PATJ: variants seen among roughly 807,000 people sequenced by gnomAD.
PATJ encodes inaD-like protein.
In PATJ, 190 loss-of-function variants were observed where a neutral mutation model predicts 224.9. The observed-to-expected ratio is 0.84, with a 90% CI of 0.75 to 0.95. The LOEUF (loss-of-function observed/expected upper bound fraction) is 0.95, where lower values mean the gene tolerates loss of function less well. PATJ is among the 40% of genes least tolerant of loss of function. PATJ has a pLI of 0.00. For missense variants in PATJ, 2,121 were observed against 2,270.3 expected (o/e 0.93, Z 1.34); for synonymous variants, 769 against 820.3 (o/e 0.94, Z 1.07).
chr1:61,899,720 TAACAG>T lies in PATJ; in HGVS notation c.3203+71_3203+75del, dbSNP rs1012989234. On this transcript the variant is annotated intron_variant, in intron 23 of 43. Coordinates refer to ENST00000642238, the MANE Select transcript of PATJ (RefSeq NM_001350145.3). ...CAACCAGTTGCTCTTTTCTTTAACT[TAACAG>T]AACATTATTTAGTCCTACTCTAATG... is the stretch of plus-strand genomic sequence containing the variant. 2.0e-5 allele frequency: 21 copies of T among 1,053,676 alleles called. No individual in the cohort carries two copies. In the African/African-American group the frequency reaches 2.6e-4, roughly 13 times the overall value. 65.3% of individuals were successfully genotyped at this position (1,053,676 alleles called of 1,614,324 possible).
intron 31 of PATJ, among the ~76,000 whole-genome samples, chr1:62,052,988 A>C (rs1168949393): frequency 6.6e-6 from 1 of 152,164 alleles, no homozygotes; most frequent in Admixed American, 6.5e-5. Context: ...TCATCCACAG[A>C]GGAAATGGTA....
At chr1:61,966,814 T>C (rs1009641732) in intron 27 of PATJ, among the ~76,000 whole-genome samples, 3 of 152,196 alleles carry the variant, frequency 2.0e-5, no homozygotes, top group African/African-American at 7.2e-5. Flanking sequence ...GGTGGATGCC[T>C]TCCCTTTTTA....
chr1:61,865,497 GCCT>G (rs1168382097), intron 20 of PATJ: 1 of 151,916 alleles, frequency 6.6e-6, no homozygotes, highest in Non-Finnish European at 1.5e-5. Context: ...TCCCATCTCG[GCCT>G]CCCGAAGTGC....
At chr1:61,781,577 CCAAATTA>C (rs1647337175) in intron 7 of PATJ, among the ~76,000 whole-genome samples, 1 of 152,194 alleles carries the variant, frequency 6.6e-6, no homozygotes, top group Non-Finnish European at 1.5e-5. Context: ...ACACCTACAT[CCAAATTA>C]GCCTCTGAAA....
intron 31 of PATJ, chr1:62,073,427 A>T: frequency 1.9e-6 from 1 of 523,054 alleles, no homozygotes; most frequent in Non-Finnish European, 2.5e-6. Context: ...GTTCCAGACC[A>T]GACTGGCCAA....
chr1:61,919,449 G>A (rs552243384), intron 26 of PATJ, among the ~76,000 whole-genome samples: 37 of 151,410 alleles, frequency 2.4e-4, no homozygotes, highest in Admixed American at 7.9e-4. Flanking sequence ...GACCACTGAC[G>A]CGCACCACCA....
At chr1:61,883,853 T>C (rs1489642696) in intron 21 of PATJ, among the ~76,000 whole-genome samples, 5 of 67,282 alleles carry the variant, frequency 7.4e-5, no homozygotes, top group Non-Finnish European at 2.6e-5. Flanking sequence ...TTATTTGTTA[T>C]TCTGTGGAGG....
chr1:62,124,117 G>A (rs939178628), intron 39 of PATJ, among the ~76,000 whole-genome samples: 6 of 151,634 alleles, frequency 4.0e-5, no homozygotes, highest in Admixed American at 6.6e-5. Flanking sequence ...TGGAGTCACC[G>A]TGTTGCCCAG....
At chr1:61,944,174 A>T (rs1302571553) in intron 27 of PATJ, among the ~76,000 whole-genome samples, 3 of 152,224 alleles carry the variant, frequency 2.0e-5, no homozygotes, top group African/African-American at 7.2e-5. Context: ...TCTCCTCCAA[A>T]GAAACGCAGC....
chr1:62,080,743 G>A (rs1366916165), intron 32 of PATJ, among the ~76,000 whole-genome samples: 2 of 152,090 alleles, frequency 1.3e-5, no homozygotes, highest in African/African-American at 4.8e-5. Flanking sequence ...TGAAATCTTT[G>A]TGGTATTTGC....
At chr1:62,126,937 C>A (rs954734152) in intron 39 of PATJ, among the ~76,000 whole-genome samples, 1 of 152,062 alleles carries the variant, frequency 6.6e-6, no homozygotes, top group Non-Finnish European at 1.5e-5. Flanking sequence ...AATGCTCAGA[C>A]CAACACTGTC....
intron 9 of PATJ, among the ~76,000 whole-genome samples, chr1:61,795,099 TAAAAA>T (rs78496504): frequency 4.9e-5 from 5 of 101,206 alleles, no homozygotes; most frequent in African/African-American, 1.6e-4. Flanking sequence ...ATAGTGATGG[TAAAAA>T]AAAAAAAAAA....
At chr1:62,054,402 G>A (rs1009253570) in intron 31 of PATJ, 40 of 415,598 alleles carry the variant, frequency 9.6e-5, no homozygotes, top group Middle Eastern at 3.4e-4. Flanking sequence ...AGGCTAAGCC[G>A]TGGCCTATGC....
Position 61,910,074 on chromosome 1 carries a change from G to A in PATJ, c.3492+1592G>A, listed in dbSNP as rs184086657. The stretch of plus-strand genomic sequence containing the variant: ...TTCAGTTTTTAATTCTTACAATATT[G>A]AGAATATAGTTGAGGCCATGGCTTT... On this transcript the variant is annotated intron_variant, in intron 25 of 43. Coordinates refer to ENST00000642238, the MANE Select transcript of PATJ (RefSeq NM_001350145.3). Among the ~76,000 whole-genome samples, 14 of 152,306 alleles carry A rather than the reference G, an allele frequency of 9.2e-5. 1 individual carries two copies. The highest frequency in any genetic ancestry group is 6.5e-4 in the Admixed American group (10 of 15,304).
At chr1:61,933,870 G>A (rs1676407461) in intron 27 of PATJ, among the ~76,000 whole-genome samples, 1 of 151,882 alleles carries the variant, frequency 6.6e-6, no homozygotes, top group Admixed American at 6.6e-5. Flanking sequence ...TTCTCTTCCT[G>A]ACAATGGATC....
chr1:61,979,240 G>A (rs1644314031), intron 27 of PATJ, among the ~76,000 whole-genome samples: 1 of 152,022 alleles, frequency 6.6e-6, no homozygotes, highest in Non-Finnish European at 1.5e-5. Context: ...AAATGGGAGG[G>A]CATCTAGGTT....
rs150552438 is a variant in PATJ, at chr1:62,118,653, G to A, written c.4890+1435G>A. Among the ~76,000 whole-genome samples the A allele has an allele frequency of 5.0e-4, 76 of 151,274 alleles. 2 individuals are homozygous for A. In the East Asian group the frequency reaches 0.01, roughly 20 times the overall value. ...TTATTTATTTATTTATTTTTGAGAC[G>A]GAGTCCCACTCTGTTGCCCAGGTTG... is the stretch of plus-strand genomic sequence containing the variant. On this transcript the variant is annotated intron_variant, in intron 37 of 43. Coordinates refer to ENST00000642238, the MANE Select transcript of PATJ (RefSeq NM_001350145.3).
chr1:61,867,286 A>T (rs1665575625), intron 20 of PATJ, among the ~76,000 whole-genome samples: 1 of 152,222 alleles, frequency 6.6e-6, no homozygotes, highest in South Asian at 2.1e-4. Flanking sequence ...TGTTTAAAAC[A>T]ATAGTCAGTG....
intron 27 of PATJ, chr1:61,952,446 T>C (rs1679855053): frequency 1.4e-6 from 1 of 717,234 alleles, no homozygotes; most frequent in Non-Finnish European, 2.6e-6. Flanking sequence ...TCTGTGGTTC[T>C]TTCGGAATGC....
Sources: gnomAD v4.1 joint callset for allele counts (sites outside exome capture counted in the v4.1 genomes callset) on GRCh38, gnomAD v4.1.1 for gene constraint, MANE v1.5 for transcripts, NCBI Gene and HGNC (gene_info 2026-07-23, HGNC 2026-07-21) for gene names.